CLIC4: variants seen among roughly 807,000 people sequenced by gnomAD.
CLIC4 encodes the protein CLIC family member 4.
Under a neutral mutation model 24.6 loss-of-function variants are expected in CLIC4, and 13 were observed. The ratio of observed to expected loss-of-function variants is 0.53; its 90% CI spans 0.34 to 0.84. The LOEUF (loss-of-function observed/expected upper bound fraction) is 0.84. Among genes scored for constraint, CLIC4 ranks in the 40% least tolerant of loss-of-function variants. The probability of loss-of-function intolerance (pLI) is 0.01; values close to 1 mark genes in which losing one functional copy is unlikely to be tolerated. For synonymous variants in CLIC4, 104 were observed against 111.3 expected (o/e 0.93, Z 0.41); for missense variants, 227 against 301.7 (o/e 0.75, Z 1.83).
At chr1:24,829,976 G>T (rs996424124) in intron 4 of CLIC4, among the ~76,000 whole-genome samples, 4 of 152,314 alleles carry the variant, frequency 2.6e-5, no homozygotes, top group African/African-American at 9.6e-5. Flanking sequence ...TATTAAGACT[G>T]CGGTAGGTAG....
chr1:24,767,914 G>A (rs1639021711), intron 1 of CLIC4, among the ~76,000 whole-genome samples: 1 of 151,866 alleles, frequency 6.6e-6, no homozygotes. Flanking sequence ...CATGATCTCG[G>A]CTAACTACAA....
At chr1:24,839,411 T>C (rs1031671829) in intron 4 of CLIC4, among the ~76,000 whole-genome samples, 21 of 152,206 alleles carry the variant, frequency 1.4e-4, no homozygotes, top group Non-Finnish European at 2.8e-4. Context: ...GCCATTCTCC[T>C]GCCTCAGCCT....
chr1:24,771,963 C>G, intron 1 of CLIC4: 2 of 423,796 alleles, frequency 4.7e-6, no homozygotes, highest in South Asian at 3.6e-5. Flanking sequence ...TTAGGCTTGG[C>G]TTAAGCTTAG....
In CLIC4 at chr1:24,797,809, T is replaced by C; in HGVS notation, c.140T>C (p.Leu47Pro). The C allele has an allele frequency of 1.2e-6, 2 of 1,613,666 alleles. No homozygotes were observed. Among genetic ancestry groups the C allele is most frequent in the Non-Finnish European group, 1.7e-6 (2 of 1,179,842 alleles). Reference protein sequence around the residue: ...FSQRLFMILWLKGVVFSVTTV... With the variant: ...FSQRLFMILWPKGVVFSVTTV... ...CAGAGGCTCTTCATGATTCTTTGGC[T>C]CAAAGGAGTTGTATTTAGTGTGACG... The change falls in exon 2 of 6, where the codon CTC (leucine) becomes CCC (proline). Residue 47 changes from leucine to proline, a missense_variant. Transcript: ENST00000374379.
chr1:24,804,628 G>T (rs1314633155), intron 2 of CLIC4, among the ~76,000 whole-genome samples: 6 of 151,848 alleles, frequency 4.0e-5, no homozygotes, highest in Non-Finnish European at 8.8e-5. Context: ...TAGACACACA[G>T]AGAGGGAGTA....
chr1:24,828,499 A>C (rs1639809403), intron 4 of CLIC4, among the ~76,000 whole-genome samples: 1 of 152,258 alleles, frequency 6.6e-6, no homozygotes, highest in East Asian at 1.9e-4. Flanking sequence ...TGTTCTTTTC[A>C]TAAAACTACC....
chr1:24,828,168 T>C (rs1639805182), intron 4 of CLIC4, among the ~76,000 whole-genome samples: 1 of 152,224 alleles, frequency 6.6e-6, no homozygotes, highest in Admixed American at 6.5e-5. Flanking sequence ...TATTATAAAA[T>C]GCTGCAATTT....
intron 1 of CLIC4, among the ~76,000 whole-genome samples, chr1:24,766,506 T>G (rs1277398409): frequency 1.1e-4 from 10 of 92,758 alleles, no homozygotes; most frequent in African/African-American, 3.9e-4. Flanking sequence ...TTTTTTTTTT[T>G]TTTTTTTTTT....
Position 24,839,925 on chromosome 1 carries a change from G to A in CLIC4, c.481G>A (p.Asp161Asn). The change falls in exon 5 of 6, where the codon GAT (aspartate) becomes AAT (asparagine). Residue 161 changes from aspartate (D) to asparagine (N), a missense_variant. By Grantham distance (23) the Asp-to-Asn change is conservative. Transcript: ENST00000374379. ...LDEYLNSPLP[D>N]EIDENSMEDI... ...TGAATATCTGAATTCTCCTCTCCCT[G>A]ATGAAATTGATGAAAATAGTATGGA... 6.2e-7 allele frequency: 1 copy of A among 1,613,170 alleles called. No homozygotes were observed. Among genetic ancestry groups the A allele is most frequent in the East Asian group, 2.2e-5 (1 of 44,866 alleles).
intron 1 of CLIC4, among the ~76,000 whole-genome samples, chr1:24,748,862 ATCTCT>A (rs947888754): frequency 1.3e-5 from 2 of 152,010 alleles, no homozygotes; most frequent in African/African-American, 4.8e-5. Flanking sequence ...GGCATTCTTG[ATCTCT>A]TCTCAAAACC....
chr1:24,761,546 T>C (rs1334267432), intron 1 of CLIC4, among the ~76,000 whole-genome samples: 2 of 152,160 alleles, frequency 1.3e-5, no homozygotes, highest in Admixed American at 6.6e-5. Context: ...GAGTGAGGGA[T>C]TGACAGGGGC....
intron 1 of CLIC4, among the ~76,000 whole-genome samples, chr1:24,791,336 A>G (rs1384886741): frequency 6.6e-6 from 1 of 152,226 alleles, no homozygotes; most frequent in Non-Finnish European, 1.5e-5. Context: ...GACTGTATTC[A>G]GTGTAGTTCA....
At chr1:24,821,847 A>G (rs893209724) in intron 3 of CLIC4, among the ~76,000 whole-genome samples, 2 of 152,114 alleles carry the variant, frequency 1.3e-5, no homozygotes, top group Non-Finnish European at 2.9e-5. Context: ...CAGCCTCCCA[A>G]AGTGCTGGGA....
intron 1 of CLIC4, among the ~76,000 whole-genome samples, chr1:24,751,207 CT>C (rs563478354): frequency 1.7e-4 from 19 of 109,016 alleles, no homozygotes; most frequent in East Asian, 7.3e-4. Flanking sequence ...TACTTCCAGT[CT>C]TTTTTTTTTT....
At chr1:24,751,075 C>T (rs1638768226) in intron 1 of CLIC4, among the ~76,000 whole-genome samples, 1 of 152,080 alleles carries the variant, frequency 6.6e-6, no homozygotes, top group Non-Finnish European at 1.5e-5. Context: ...AATTAGAAAC[C>T]ACTTACTGAG....
intron 3 of CLIC4, among the ~76,000 whole-genome samples, chr1:24,824,569 C>T (rs1404659951): frequency 1.3e-5 from 2 of 151,792 alleles, no homozygotes; most frequent in Admixed American, 6.6e-5. Flanking sequence ...TGCTTGGTCT[C>T]GTTTGTCAAT....
chr1:24,782,882 G>A (rs1023091558), intron 1 of CLIC4, among the ~76,000 whole-genome samples: 1 of 152,104 alleles, frequency 6.6e-6, no homozygotes, highest in African/African-American at 2.4e-5. Flanking sequence ...CAGAGGCTGT[G>A]GTGGGAGGAT....
At chr1:24,815,630 G>A (rs1311729347) in intron 3 of CLIC4, among the ~76,000 whole-genome samples, 2 of 152,218 alleles carry the variant, frequency 1.3e-5, no homozygotes, top group Non-Finnish European at 2.9e-5. Context: ...ATTGCTGGTT[G>A]GGGTGGCTGT....
At chr1:24,768,640 C>T (rs1639034802) in intron 1 of CLIC4, among the ~76,000 whole-genome samples, 1 of 151,972 alleles carries the variant, frequency 6.6e-6, no homozygotes, top group African/African-American at 2.4e-5. Context: ...CGGCCGGGTG[C>T]GGTGGCTCAC....
Sources: allele counts gnomAD v4.1 joint callset (sites outside exome capture counted in the v4.1 genomes callset), GRCh38; gene constraint gnomAD v4.1.1; transcripts MANE v1.5; gene names NCBI Gene and HGNC (gene_info 2026-07-23, HGNC 2026-07-21).